MEGF9: variants seen among roughly 807,000 people sequenced by gnomAD.
MEGF9 encodes the protein multiple epidermal growth factor-like domains protein 9.
In MEGF9, 6 loss-of-function variants were observed where a neutral mutation model predicts 46.8. The observed-to-expected ratio is 0.13, with a 90% confidence interval of 0.07 to 0.25. The LOEUF is 0.25. Ranked by LOEUF, MEGF9 falls within the 10% of genes least tolerant of loss-of-function variation. The pLI, the probability that MEGF9 is intolerant of heterozygous loss-of-function variation, is 1.00. For missense variants in MEGF9, 683 were observed against 792.4 expected (o/e 0.86, Z 1.66); for synonymous variants, 302 against 330.7 (o/e 0.91, Z 0.94).
intron 4 of MEGF9, 112 bp downstream of exon 4, chr9:120,612,284 A>G: frequency 2.0e-6 from 2 of 1,002,068 alleles, no homozygotes; most frequent in Non-Finnish European, 2.8e-6. Flanking sequence ...TGCTGTTTTT[A>G]TAACTCCCTT....
At chr9:120,665,160 A>G (rs893925570) in intron 1 of MEGF9, among the ~76,000 whole-genome samples, 1 of 151,536 alleles carries the variant, frequency 6.6e-6, no homozygotes, top group African/African-American at 2.4e-5. Context: ...ATCTCCTCCC[A>G]TCCTTCCTTC....
At chr9:120,697,584 T>C (rs1019884079) in intron 1 of MEGF9, among the ~76,000 whole-genome samples, 1 of 152,170 alleles carries the variant, frequency 6.6e-6, no homozygotes. Flanking sequence ...TGACATTGTC[T>C]CTTGTTAGCA....
chr9:120,638,215 C>T (rs149134903), intron 2 of MEGF9, among the ~76,000 whole-genome samples: 2,495 of 152,304 alleles, frequency 0.016, 61 homozygotes, highest in African/African-American at 0.056. Flanking sequence ...TGGTCTTTAA[C>T]TCCCGGCTTC....
chr9:120,647,040 G>A (rs1028592475), intron 2 of MEGF9, among the ~76,000 whole-genome samples: 6 of 151,918 alleles, frequency 3.9e-5, no homozygotes, highest in Non-Finnish European at 5.9e-5. Flanking sequence ...ATAAGTAGAG[G>A]AGTCTGCAAC....
rs150266913 is a variant in MEGF9 at position 120,639,342 on chromosome 9, C to T, written c.804-16587G>A. ...TGGCCAACATGGTGAGACCCTGTCT[C>T]CACTAAAAATACCAAAATGAGCCGG... On this transcript the variant is annotated intron_variant, in intron 2 of 5. Coordinates refer to ENST00000373930, the MANE Select transcript of MEGF9 (RefSeq NM_001080497.3). 2.1e-3 allele frequency among the ~76,000 whole-genome samples: 317 copies of T among 151,684 alleles called. 1 individual carries two copies. The highest frequency in any genetic ancestry group is 7.2e-3 in the African/African-American group (298 of 41,380).
chr9:120,616,380 C>T (rs2043472617), intron 3 of MEGF9, among the ~76,000 whole-genome samples: 1 of 151,858 alleles, frequency 6.6e-6, no homozygotes, highest in South Asian at 2.1e-4. Flanking sequence ...GGCAACATAG[C>T]ATTAAAAAAT....
At chr9:120,625,443 T>A (rs2043519673) in intron 2 of MEGF9, among the ~76,000 whole-genome samples, 1 of 152,006 alleles carries the variant, frequency 6.6e-6, no homozygotes, top group Non-Finnish European at 1.5e-5. Context: ...CACAGGGAAT[T>A]GAAGCCATCC....
intron 1 of MEGF9, among the ~76,000 whole-genome samples, chr9:120,699,862 G>A (rs1475443153): frequency 6.6e-6 from 1 of 152,130 alleles, no homozygotes; most frequent in Non-Finnish European, 1.5e-5. Flanking sequence ...AGGTAGTGGG[G>A]AAGAAAAATA....
At chr9:120,640,735 T>C (rs1018942642) in intron 2 of MEGF9, among the ~76,000 whole-genome samples, 6 of 152,344 alleles carry the variant, frequency 3.9e-5, no homozygotes, top group Admixed American at 2.0e-4. Context: ...ATCGACTTTT[T>C]TCAGGGGCTA....
chr9:120,690,893 A>G (rs1411353736), intron 1 of MEGF9, among the ~76,000 whole-genome samples: 6 of 151,954 alleles, frequency 3.9e-5, no homozygotes, highest in Admixed American at 1.3e-4. Flanking sequence ...TATAAAAATA[A>G]TGTTGGCCAC....
intron 1 of MEGF9, among the ~76,000 whole-genome samples, chr9:120,705,999 G>A (rs2043927472): frequency 6.6e-6 from 1 of 152,034 alleles, no homozygotes; most frequent in Non-Finnish European, 1.5e-5. Context: ...ATCTAACACT[G>A]TCTTTCAGCT....
At chr9:120,633,962 A>C (rs2043561338) in intron 2 of MEGF9, among the ~76,000 whole-genome samples, 1 of 152,164 alleles carries the variant, frequency 6.6e-6, no homozygotes, top group African/African-American at 2.4e-5. Context: ...ATATAATATT[A>C]ATTCTTTTAA....
intron 1 of MEGF9, among the ~76,000 whole-genome samples, chr9:120,681,223 AG>A (rs1198557741): frequency 6.6e-6 from 1 of 152,160 alleles, no homozygotes; most frequent in Non-Finnish European, 1.5e-5. Context: ...TCAGGGCCCA[AG>A]GGCTCTTTAG....
At chr9:120,680,776 C>A (rs1015111495) in intron 1 of MEGF9, among the ~76,000 whole-genome samples, 6 of 152,082 alleles carry the variant, frequency 3.9e-5, no homozygotes, top group Admixed American at 3.9e-4. Flanking sequence ...CACTCTTCCC[C>A]CCTTTCCACA....
At chr9:120,637,929 G>T (rs2043585997) in intron 2 of MEGF9, among the ~76,000 whole-genome samples, 1 of 151,292 alleles carries the variant, frequency 6.6e-6, no homozygotes, top group Non-Finnish European at 1.5e-5. Flanking sequence ...TCTCAAATAT[G>T]TTAATATTTG....
At chr9:120,636,990 GA>G (rs1238252692) in intron 2 of MEGF9, among the ~76,000 whole-genome samples, 1 of 152,236 alleles carries the variant, frequency 6.6e-6, no homozygotes. Flanking sequence ...TTGTCCAATA[GA>G]AAAGGGTGAA....
chr9:120,624,660 A>AG (rs1426433518), intron 2 of MEGF9, among the ~76,000 whole-genome samples: 2 of 152,098 alleles, frequency 1.3e-5, no homozygotes, highest in Admixed American at 1.3e-4. Context: ...TGAGGTCACA[A>AG]GTTCAAGACC....
intron 1 of MEGF9, among the ~76,000 whole-genome samples, chr9:120,688,130 A>AACACAC (rs34218836): frequency 3.4e-3 from 480 of 142,624 alleles, no homozygotes; most frequent in Non-Finnish European, 5.4e-3. Flanking sequence ...TCCTCTCCGC[A>AACACAC]ACACACACAC....
intron 1 of MEGF9, among the ~76,000 whole-genome samples, chr9:120,683,660 G>A (rs111843490): frequency 0.024 from 3,602 of 152,264 alleles, 151 homozygotes; most frequent in African/African-American, 0.083. Context: ...CCAGTCTCAA[G>A]TAGTTCTTTA....
Sources: allele counts gnomAD v4.1 joint callset (sites outside exome capture counted in the v4.1 genomes callset), GRCh38; gene constraint gnomAD v4.1.1; transcripts MANE v1.5; gene names NCBI Gene and HGNC (gene_info 2026-07-23, HGNC 2026-07-21).